The following NEO1 variants were observed in gnomAD, a reference collection of about 807,000 sequenced individuals.
NEO1 encodes the protein neogenin.
In NEO1, 63 loss-of-function variants were observed where a neutral mutation model predicts 159.7. The ratio of observed to expected loss-of-function variants is 0.39; its 90% CI spans 0.32 to 0.49. The LOEUF (loss-of-function observed/expected upper bound fraction) is 0.49. Among genes scored for constraint, NEO1 ranks in the 20% least tolerant of loss-of-function variants. The probability of loss-of-function intolerance (pLI) is 0.85; values close to 1 mark genes in which losing one functional copy is unlikely to be tolerated. For missense variants in NEO1, 1,615 were observed against 1,831.0 expected (o/e 0.88, Z 2.15); for synonymous variants, 633 against 662.0 (o/e 0.96, Z 0.67).
At chr15:73,256,760 A>G (rs1488683220) in intron 13 of NEO1, among the ~76,000 whole-genome samples, 2 of 152,062 alleles carry the variant, frequency 1.3e-5, no homozygotes, top group East Asian at 1.9e-4. Flanking sequence ...GTGCTGAGAA[A>G]TATCACTAAG....
chr15:73,239,535 A>G (rs370380333), intron 8 of NEO1, among the ~76,000 whole-genome samples: 3 of 152,212 alleles, frequency 2.0e-5, no homozygotes, highest in African/African-American at 7.2e-5. Context: ...TGGTGATCCC[A>G]TAAGATTATA....
intron 7 of NEO1, among the ~76,000 whole-genome samples, chr15:73,193,962 C>T (rs905855854): frequency 6.6e-6 from 1 of 151,908 alleles, no homozygotes; most frequent in Admixed American, 6.6e-5. Context: ...GGTGTATATG[C>T]AAGAAGGCTC....
Position 73,293,427 on chromosome 15 carries a change from C to A in NEO1, c.3780C>A (p.Asn1260Lys). The change falls in exon 26 of 29, where the codon AAC (asparagine) becomes AAA (lysine). Residue 1260 changes from asparagine (N) to lysine (K), a missense_variant. This residue lies in a region of NEO1 where 471 missense variants were observed against 498.9 expected (regional missense o/e 0.94). Transcript: ENST00000261908. ...ISAHPIHSLDNPHHHFHSSSL... is the reference protein window; with the variant it reads ...ISAHPIHSLDKPHHHFHSSSL... The stretch of plus-strand genomic sequence containing the variant: ...CCCATCCCATCCATTCCCTCGATAA[C>A]CCTCACCATCATTTCCACTCCAGCA... The A allele has an allele frequency of 6.8e-6, 11 of 1,614,196 alleles. No individual in the cohort carries two copies. Among genetic ancestry groups the A allele is most frequent in the Non-Finnish European group, 8.5e-6 (10 of 1,180,034 alleles).
At chr15:73,144,337 G>A (rs1426484041) in intron 5 of NEO1, among the ~76,000 whole-genome samples, 1 of 151,866 alleles carries the variant, frequency 6.6e-6, no homozygotes, top group Non-Finnish European at 1.5e-5. Context: ...AATAACTGAA[G>A]CCATTAAAGG....
chr15:73,058,292 T>G (rs1272839743), intron 1 of NEO1, among the ~76,000 whole-genome samples: 3 of 152,220 alleles, frequency 2.0e-5, no homozygotes, highest in Admixed American at 2.0e-4. Context: ...GTGAGGAAGA[T>G]GACAATTTCT....
intron 5 of NEO1, among the ~76,000 whole-genome samples, chr15:73,161,270 A>G (rs2151885999): frequency 6.6e-6 from 1 of 152,344 alleles, no homozygotes; most frequent in South Asian, 2.1e-4. Context: ...TATGGAATTT[A>G]CTTTGGTGTA....
chr15:73,212,649 C>A (rs2037646549), intron 7 of NEO1, among the ~76,000 whole-genome samples: 1 of 151,770 alleles, frequency 6.6e-6, no homozygotes, highest in African/African-American at 2.4e-5. Flanking sequence ...CCACTTCTAG[C>A]AATTTGTCTT....
At chr15:73,244,050 C>G (rs995428564) in intron 8 of NEO1, among the ~76,000 whole-genome samples, 46 of 152,106 alleles carry the variant, frequency 3.0e-4, no homozygotes, top group African/African-American at 1.1e-3. Context: ...ACTAGCTGCC[C>G]CATTTGAAAT....
At chr15:73,293,624 C>CAT in intron 26 of NEO1, 76 bp downstream of exon 26, 2 of 1,466,528 alleles carry the variant, frequency 1.4e-6, no homozygotes, top group Non-Finnish European at 1.9e-6. Context: ...AGGACTTGCC[C>CAT]TACTTAGAAG....
intron 11 of NEO1, among the ~76,000 whole-genome samples, chr15:73,250,540 A>G (rs925081886): frequency 6.6e-6 from 1 of 152,216 alleles, no homozygotes; most frequent in African/African-American, 2.4e-5. Flanking sequence ...TATGTGATAC[A>G]TGGAGGAAGA....
intron 1 of NEO1, among the ~76,000 whole-genome samples, chr15:73,089,393 T>TC (rs1187492767): frequency 6.6e-6 from 1 of 152,150 alleles, no homozygotes; most frequent in East Asian, 1.9e-4. Context: ...TATTTTTTTT[T>TC]CTGCATATAA....
chr15:73,289,244 T>C lies in NEO1; in HGVS notation c.3742+6T>C. 1.2e-6 allele frequency: 2 copies of C among 1,613,216 alleles called. No homozygotes were observed. Among genetic ancestry groups the C allele is most frequent in the Non-Finnish European group, 1.7e-6 (2 of 1,179,234 alleles). Reference sequence around the variant, plus strand: ...TGACTCCCAGCCACCCCAGCGTAAGTAGAAGCATCTCTTTTCCTCAGTGCT... The same window carrying C: ...TGACTCCCAGCCACCCCAGCGTAAGCAGAAGCATCTCTTTTCCTCAGTGCT... On this transcript the variant is annotated splice_donor_region_variant and intron_variant, in intron 25 of 28. Transcript: ENST00000261908.
chr15:73,063,869 T>G (rs2151267778), intron 1 of NEO1, among the ~76,000 whole-genome samples: 1 of 152,324 alleles, frequency 6.6e-6, no homozygotes, highest in East Asian at 1.9e-4. Flanking sequence ...TCCAATTTAA[T>G]GAAAATTAAC....
chr15:73,253,495 G>T (rs1479138431), intron 12 of NEO1, 46 bp downstream of exon 12: 2 of 1,375,816 alleles, frequency 1.5e-6, no homozygotes, highest in Admixed American at 2.0e-5. Flanking sequence ...GTATACTGTT[G>T]CGCCTCAGAG....
chr15:73,088,996 C>T (rs2069525024), intron 1 of NEO1, among the ~76,000 whole-genome samples: 1 of 152,080 alleles, frequency 6.6e-6, no homozygotes, highest in Non-Finnish European at 1.5e-5. Flanking sequence ...CAGATTTGTG[C>T]ATCATTATGG....
chr15:73,144,591 G>A (rs533953284), intron 5 of NEO1, among the ~76,000 whole-genome samples: 4 of 152,200 alleles, frequency 2.6e-5, no homozygotes, highest in African/African-American at 9.6e-5. Flanking sequence ...GTTCCACCGA[G>A]TTCTGTTGTC....
intron 5 of NEO1, among the ~76,000 whole-genome samples, chr15:73,165,935 G>A (rs1232126277): frequency 6.6e-6 from 1 of 152,286 alleles, no homozygotes; most frequent in East Asian, 1.9e-4. Context: ...GTCAGGAGAC[G>A]GGATTTTCCA....
At chr15:73,066,345 A>G (rs199564291) in intron 1 of NEO1, among the ~76,000 whole-genome samples, 1 of 142,890 alleles carries the variant, frequency 7.0e-6, no homozygotes, top group Non-Finnish European at 1.5e-5. Context: ...TTTTTTTTAA[A>G]TAGTTTGCAG....
chr15:73,296,611 G>C (rs2042380428), intron 26 of NEO1, among the ~76,000 whole-genome samples: 1 of 152,192 alleles, frequency 6.6e-6, no homozygotes, highest in Non-Finnish European at 1.5e-5. Flanking sequence ...TTGGATTTCT[G>C]CAGATTGCTC....
Sources: gnomAD v4.1 joint callset for allele counts (sites outside exome capture counted in the v4.1 genomes callset) on GRCh38, gnomAD v4.1.1 for gene constraint, gnomAD v4.1.1 regional missense constraint, MANE v1.5 for transcripts, NCBI Gene and HGNC (gene_info 2026-07-23, HGNC 2026-07-21) for gene names.